Variants in INO80 observed in about 807,000 individuals in gnomAD.
INO80 encodes INO80 complex ATPase subunit.
In INO80, 20 loss-of-function variants were observed where a neutral mutation model predicts 203.4. The observed-to-expected ratio is 0.10, with a 90% CI of 0.07 to 0.14. INO80 has a LOEUF of 0.14. Ranked by LOEUF, INO80 falls within the 10% of genes least tolerant of loss-of-function variation. The probability of loss-of-function intolerance (pLI) is 1.00; values close to 1 mark genes in which losing one functional copy is unlikely to be tolerated. For missense variants in INO80, 1,419 were observed against 1,914.4 expected (o/e 0.74, Z 4.83); for synonymous variants, 726 against 685.2 (o/e 1.06, Z -0.93).
intron 5 of INO80, 83 bp from the exon 6 acceptor site, chr15:41,087,765 G>A: frequency 7.3e-7 from 1 of 1,365,432 alleles, no homozygotes. Context: ...CTAAGCCAGA[G>A]GAAATCATAG....
At chr15:41,060,083 T>A (rs917168009) in intron 14 of INO80, among the ~76,000 whole-genome samples, 157 bp from the exon 15 acceptor site, 1 of 152,220 alleles carries the variant, frequency 6.6e-6, no homozygotes, top group Non-Finnish European at 1.5e-5. Flanking sequence ...ACCAACCCTG[T>A]TGTCCAAATA....
At chr15:40,990,071 A>C (rs2043795745) in intron 29 of INO80, among the ~76,000 whole-genome samples, 1 of 152,024 alleles carries the variant, frequency 6.6e-6, no homozygotes, top group Non-Finnish European at 1.5e-5. Flanking sequence ...TTGGGTACTT[A>C]TGAGCCCAGG....
intron 14 of INO80, among the ~76,000 whole-genome samples, chr15:41,061,202 G>A (rs529391285): frequency 2.6e-5 from 4 of 152,030 alleles, no homozygotes; most frequent in Non-Finnish European, 5.9e-5. Flanking sequence ...AGGAACTCAC[G>A]AGTCTAAGGC....
At chr15:41,028,674 T>C (rs1468265295) in intron 24 of INO80, among the ~76,000 whole-genome samples, 1 of 152,140 alleles carries the variant, frequency 6.6e-6, no homozygotes, top group Non-Finnish European at 1.5e-5. Flanking sequence ...CTGGCCAACA[T>C]GGCGAAACTC....
At chr15:41,062,926 G>A (rs1235970545) in intron 14 of INO80, among the ~76,000 whole-genome samples, 2 of 152,180 alleles carry the variant, frequency 1.3e-5, no homozygotes, top group African/African-American at 4.8e-5. Flanking sequence ...AATAAGCTAA[G>A]AGAGGGAGGG....
chr15:41,062,220 A>G (rs1219594358), intron 14 of INO80, among the ~76,000 whole-genome samples: 6 of 152,188 alleles, frequency 3.9e-5, no homozygotes, highest in African/African-American at 1.4e-4. Context: ...CGAAGTCTTT[A>G]TATTATCCAG....
chr15:41,074,397 C>A lies in INO80; in HGVS notation c.1300G>T (p.Val434Leu). 1 of 1,612,698 alleles carries A rather than the reference C, an allele frequency of 6.2e-7. No homozygotes were observed. The highest frequency in any genetic ancestry group is 8.5e-7 in the Non-Finnish European group (1 of 1,179,514). The change falls in exon 10 of 36, where the codon GTA becomes TTA. Residue 434 changes from valine (V) to leucine (L), a missense_variant. This residue lies in a region of INO80 where 116 missense variants were observed against 119.5 expected (regional missense o/e 0.97). Coordinates refer to ENST00000648947, the MANE Select transcript of INO80 (RefSeq NM_017553.3). ...TAATCCTCCTGTGTGATGTTAACTA[C>A]CACTCCTCCACCTATATCGATTTGT... ...QRQIDIGGGV[V>L]VNITQEDYDS...
intron 1 of INO80, among the ~76,000 whole-genome samples, chr15:41,109,483 A>G (rs879895727): frequency 2.7e-5 from 4 of 150,928 alleles, no homozygotes; most frequent in Non-Finnish European, 4.4e-5. Context: ...CCACTGCCGT[A>G]TTTATTACAA....
chr15:41,077,715 T>G (rs1283493466), intron 9 of INO80, among the ~76,000 whole-genome samples: 1 of 150,220 alleles, frequency 6.7e-6, no homozygotes, highest in Non-Finnish European at 1.5e-5. Context: ...CATGTGCCAC[T>G]ACACCTGTCT....
chr15:41,059,730 A>T (rs2045068544), intron 15 of INO80, 137 bp downstream of exon 15: 1 of 557,036 alleles, frequency 1.8e-6, no homozygotes, highest in African/African-American at 1.9e-5. Flanking sequence ...TTGTATCAGA[A>T]AAATGGAAAC....
At chr15:41,046,212 T>C (rs1446825347) in intron 23 of INO80, among the ~76,000 whole-genome samples, 12 of 3,680 alleles carry the variant, frequency 3.3e-3, no homozygotes, top group African/African-American at 7.9e-3. Context: ...CATACATATA[T>C]ATATATATAT....
intron 1 of INO80, among the ~76,000 whole-genome samples, chr15:41,105,434 A>G (rs1199885026): frequency 6.6e-6 from 1 of 152,160 alleles, no homozygotes; most frequent in Non-Finnish European, 1.5e-5. Flanking sequence ...TTTAAACCTT[A>G]TATGATGCAG....
intron 1 of INO80, among the ~76,000 whole-genome samples, chr15:41,114,234 T>C (rs1210057114): frequency 6.7e-6 from 1 of 149,270 alleles, no homozygotes; most frequent in Non-Finnish European, 1.5e-5. Context: ...GCCACTATAC[T>C]CCAGCCTGGG....
At chr15:41,055,448 G>A in intron 17 of INO80, 84 bp from the exon 18 acceptor site, 2 of 706,592 alleles carry the variant, frequency 2.8e-6, no homozygotes, top group South Asian at 2.1e-5. Context: ...AAAATTGCAG[G>A]TGTATTAGTG....
In INO80 at chr15:41,082,250, CAA is replaced by C. The variant is rs60486605; in HGVS notation, c.874-1179_874-1178del. On this transcript the variant is annotated intron_variant, in intron 7 of 35. Coordinates refer to ENST00000648947, the MANE Select transcript of INO80 (RefSeq NM_017553.3). ...GGGTGACAAGAGCAAAACTCCGTCTCAAAAAAAAAAAAAAAAAAAAAGTCATT... is the reference window on the plus strand; with the variant it reads ...GGGTGACAAGAGCAAAACTCCGTCTCAAAAAAAAAAAAAAAAAAAGTCATT... Among the ~76,000 whole-genome samples the C allele has an allele frequency of 1.0e-2, 545 of 54,674 alleles. 2 individuals are homozygous for C. Among genetic ancestry groups the C allele is most frequent in the South Asian group, 0.03 (54 of 1,784 alleles). 35.9% of individuals were successfully genotyped at this position (54,674 alleles called of 152,430 possible). A position where few individuals can be genotyped will look rare whatever the true frequency, so the allele number is the denominator to read the frequency against.
intron 24 of INO80, among the ~76,000 whole-genome samples, chr15:41,032,809 G>A (rs1566920160): frequency 6.6e-6 from 1 of 152,142 alleles, no homozygotes; most frequent in Non-Finnish European, 1.5e-5. Flanking sequence ...GGCGGCTGAG[G>A]AGGGCGGATC....
At chr15:41,074,050 G>A (rs1234914921) in intron 10 of INO80, among the ~76,000 whole-genome samples, 1 of 152,058 alleles carries the variant, frequency 6.6e-6, no homozygotes, top group African/African-American at 2.4e-5. Flanking sequence ...TTATGTGAGA[G>A]ATGTTTTCCT....
chr15:41,104,206 CAAAAAAA>C (rs35510472), intron 1 of INO80, among the ~76,000 whole-genome samples: 1,617 of 41,500 alleles, frequency 0.039, 28 homozygotes, highest in Admixed American at 0.089. Flanking sequence ...AACTCCATCT[CAAAAAAA>C]AAAAAAAAAA....
At chr15:41,049,500 T>G in intron 20 of INO80, 80 bp from the exon 21 acceptor site, 6 of 1,327,358 alleles carry the variant, frequency 4.5e-6, no homozygotes, top group Non-Finnish European at 5.3e-6. Flanking sequence ...AAATCCCAAA[T>G]GTTTACCTTT....
Sources: allele counts gnomAD v4.1 joint callset (sites outside exome capture counted in the v4.1 genomes callset), GRCh38; gene constraint gnomAD v4.1.1; regional missense constraint gnomAD v4.1.1; transcripts MANE v1.5; gene names NCBI Gene and HGNC (gene_info 2026-07-23, HGNC 2026-07-21).